Variants in ATP13A1 observed in about 807,000 individuals in gnomAD.
ATP13A1 encodes endoplasmic reticulum transmembrane helix translocase.
Under a neutral mutation model 134.8 loss-of-function variants are expected in ATP13A1, and 55 were observed. The ratio of observed to expected loss-of-function variants is 0.41; its 90% CI spans 0.33 to 0.51. The LOEUF (loss-of-function observed/expected upper bound fraction) is 0.51, where lower values mean the gene tolerates loss of function less well. ATP13A1 is among the 20% of genes least tolerant of loss of function. The pLI, the probability that ATP13A1 is intolerant of heterozygous loss-of-function variation, is 0.29. For missense variants in ATP13A1, 1,389 were observed against 1,652.8 expected (o/e 0.84, Z 2.77); for synonymous variants, 775 against 725.1 (o/e 1.07, Z -1.10).
chr19:19,652,056 T>C (rs903523566), intron 16 of ATP13A1, among the ~76,000 whole-genome samples: 1 of 151,912 alleles, frequency 6.6e-6, no homozygotes, highest in South Asian at 2.1e-4. Context: ...GCCCCTGAGG[T>C]GGACCCTTTT....
intron 22 of ATP13A1, chr19:19,646,551 CGGCTCCGCCATCCA>C: frequency 3.2e-6 from 2 of 630,268 alleles, no homozygotes; most frequent in Non-Finnish European, 5.4e-6. Flanking sequence ...TCCCTGGCCC[CGGCTCCGCCATCCA>C]GGCTCCCCAT....
chr19:19,663,607 G>A lies in ATP13A1; in HGVS notation c.60C>T (p.Val20=). Residue 20 remains valine (V), a synonymous_variant, in exon 1 of 26, where the codon GTC becomes GTT. Transcript: ENST00000357324. ...CGGGCTTGGGCTGCCCGTCAGGCCG[G>A]ACCCCGCAAGGCCGGGCCCCGCAGG... ...AVPCGARPCG[V]RPDGQPKPGP... 7.0e-7 allele frequency: 1 copy of A among 1,419,172 alleles called. No homozygotes were observed. 87.9% of individuals were successfully genotyped at this position (1,419,172 alleles called of 1,614,324 possible).
intron 1 of ATP13A1, among the ~76,000 whole-genome samples, chr19:19,660,873 G>A (rs1297719586): frequency 6.6e-6 from 1 of 151,652 alleles, no homozygotes; most frequent in Non-Finnish European, 1.5e-5. Context: ...GAGGTCAGGA[G>A]TTTGAGACCA....
chr19:19,651,457 C>T (rs756297203), intron 17 of ATP13A1: 1 of 427,186 alleles, frequency 2.3e-6, no homozygotes, highest in Non-Finnish European at 4.2e-6. Context: ...GTCAGACTAT[C>T]GCCTCATTAT....
chr19:19,654,260 G>A, intron 13 of ATP13A1, 116 bp from the exon 14 acceptor site: 1 of 1,169,168 alleles, frequency 8.6e-7, no homozygotes, highest in Non-Finnish European at 1.2e-6. Context: ...GCCTGATCGG[G>A]GCTCTGGGCT....
intron 13 of ATP13A1, among the ~76,000 whole-genome samples, 158 bp from the exon 14 acceptor site, chr19:19,654,302 T>C (rs1185240176): frequency 2.0e-5 from 3 of 152,136 alleles, no homozygotes; most frequent in African/African-American, 7.2e-5. Flanking sequence ...CTGGAAGACC[T>C]GGGCTTGGAG....
Position 19,647,381 on chromosome 19 carries a change from TGAAG to T in ATP13A1, c.2908+29_2908+32del, listed in dbSNP as rs2061992846. 1 of 1,589,914 alleles carries T rather than the reference TGAAG, an allele frequency of 6.3e-7. No individual in the cohort carries two copies. Among genetic ancestry groups the T allele is most frequent in the African/African-American group, 1.4e-5 (1 of 73,208 alleles). On this transcript the variant is annotated intron_variant, in intron 21 of 25. Transcript: ENST00000357324. This position sits in a 1 kb window ranked among gnomAD's most constrained non-coding sequence, Gnocchi z 4.8. The stretch of plus-strand genomic sequence containing the variant: ...GTGGGTAGGGGTGCCAAGGGGGGAA[TGAAG>T]GGAGGGGGAGCGGGGGCAGGCAACT...
At chr19:19,660,819 C>A (rs2062089911) in intron 1 of ATP13A1, among the ~76,000 whole-genome samples, 1 of 151,394 alleles carries the variant, frequency 6.6e-6, no homozygotes, top group South Asian at 2.1e-4. Flanking sequence ...GTGGCTCACA[C>A]CTGTAATCCC....
chr19:19,647,604 G>A lies in ATP13A1; in HGVS notation c.2788C>T (p.Gln930Ter). ...LPPSEEQPTS[Q>*]RDRLSQVLRD... ...CCTCCCCTCTTGGGACTCACCCTCT[G>A]GGAGGTTGGCTGCTCCTCGGAGGGA... The change falls in exon 20 of 26, where the codon CAG (glutamine) becomes TAG (stop). Residue 930 changes from glutamine to a stop codon, truncating the protein, a stop_gained. Coordinates refer to ENST00000357324, the MANE Select transcript of ATP13A1 (RefSeq NM_020410.3). LOFTEE classifies it high-confidence loss of function. This position sits in a 1 kb window ranked among gnomAD's most constrained non-coding sequence, Gnocchi z 4.8. The A allele has an allele frequency of 6.2e-7, 1 of 1,613,540 alleles. No individual in the cohort carries two copies. Among genetic ancestry groups the A allele is most frequent in the Non-Finnish European group, 8.5e-7 (1 of 1,179,810 alleles).
Position 19,656,308 on chromosome 19 carries a change from C to T in ATP13A1, c.1084-125G>A. 2 of 1,316,198 alleles carry T rather than the reference C, an allele frequency of 1.5e-6. No homozygotes were observed. The highest frequency in any genetic ancestry group is 1.0e-6 in the Non-Finnish European group (1 of 965,610). The allele number at this position is 1,316,198 out of a possible 1,614,324, so 81.5% of individuals were successfully genotyped here. The stretch of plus-strand genomic sequence containing the variant: ...GGGGATCCCCACCCGACCAATACAT[C>T]CCACCCAGCTCCCAGATCCTCACCC... On this transcript the variant is annotated intron_variant, in intron 7 of 25. Coordinates refer to ENST00000357324, the MANE Select transcript of ATP13A1 (RefSeq NM_020410.3). The surrounding 1 kb of genome is among the most constrained non-coding windows in gnomAD (Gnocchi z 4.6).
chr19:19,658,084 G>C (rs755922652), intron 3 of ATP13A1, among the ~76,000 whole-genome samples: 1 of 147,748 alleles, frequency 6.8e-6, no homozygotes, highest in Non-Finnish European at 1.5e-5. Flanking sequence ...AGGAGTTCAA[G>C]GCTACAGTGA....
chr19:19,653,710 G>A lies in ATP13A1; in HGVS notation c.2100+74C>T. On this transcript the variant is annotated intron_variant, in intron 15 of 25. Coordinates refer to ENST00000357324, the MANE Select transcript of ATP13A1 (RefSeq NM_020410.3). This position sits in a 1 kb window ranked among gnomAD's most constrained non-coding sequence, Gnocchi z 4.2. The stretch of plus-strand genomic sequence containing the variant: ...ACAACCATTCAACCTGGCACTGTGG[G>A]ACACAGGAGGTGACTCAGGGAGGAG... The A allele has an allele frequency of 7.5e-7, 1 of 1,324,782 alleles. No individual in the cohort carries two copies. The highest frequency in any genetic ancestry group is 1.0e-6 in the Non-Finnish European group (1 of 957,906). The allele number at this position is 1,324,782 out of a possible 1,614,324, so 82.1% of individuals were successfully genotyped here.
chr19:19,651,519 C>T (rs537714072), intron 17 of ATP13A1, 170 bp downstream of exon 17: 21 of 504,072 alleles, frequency 4.2e-5, no homozygotes, highest in South Asian at 2.6e-4. Flanking sequence ...ACCCAGTGAA[C>T]GCTCACATGC....
In ATP13A1 at chr19:19,645,374, C is replaced by T. The variant is rs763384839; in HGVS notation, c.*48G>A. 1.3e-6 allele frequency: 2 copies of T among 1,547,546 alleles called. No homozygotes were observed. Among genetic ancestry groups the T allele is most frequent in the Non-Finnish European group, 1.7e-6 (2 of 1,143,524 alleles). ...TCCCTCCCGGGGCCCTGTTGGGGTT[C>T]CCGCCCAGCGGCAGCCAGGGTGGGC... On this transcript the variant is annotated 3_prime_UTR_variant, in exon 26 of 26. Transcript: ENST00000357324. This position sits in a 1 kb window ranked among gnomAD's most constrained non-coding sequence, Gnocchi z 4.1.
intron 19 of ATP13A1, among the ~76,000 whole-genome samples, chr19:19,648,271 A>C (rs562754159): frequency 1.6e-4 from 24 of 152,222 alleles, no homozygotes; most frequent in African/African-American, 5.5e-4. Flanking sequence ...GTGAGATGAG[A>C]TCACACCACC....
chr19:19,659,260 G>C (rs1218851891), intron 3 of ATP13A1, among the ~76,000 whole-genome samples: 1 of 152,146 alleles, frequency 6.6e-6, no homozygotes, highest in Non-Finnish European at 1.5e-5. Context: ...TTCAAGACCA[G>C]CCTGGCCAAC....
At position 19,647,840 on chromosome 19, in the gene ATP13A1, G is replaced by A. The variant is rs867481024; in HGVS notation, c.2633-81C>T. 6.8e-7 allele frequency: 1 copy of A among 1,476,162 alleles called. No individual in the cohort carries two copies. Among genetic ancestry groups the A allele is most frequent in the Non-Finnish European group, 9.0e-7 (1 of 1,110,086 alleles). The allele number at this position is 1,476,162 out of a possible 1,614,324, so 91.4% of individuals were successfully genotyped here. On this transcript the variant is annotated intron_variant, in intron 19 of 25. Transcript: ENST00000357324. This position sits in a 1 kb window ranked among gnomAD's most constrained non-coding sequence, Gnocchi z 4.8. ...TGCTGGCTTCAGAGCCACTGGTCCT[G>A]AAGTCCCCCAGCTGGCTCCCGTGAG...
Position 19,649,879 on chromosome 19 carries a change from G to A in ATP13A1, c.2397C>T (p.Ser799=), listed in dbSNP as rs1568426162. 6.2e-7 allele frequency: 1 copy of A among 1,602,146 alleles called. No homozygotes were observed. Among genetic ancestry groups the A allele is most frequent in the Non-Finnish European group, 8.5e-7 (1 of 1,179,592 alleles). The change falls in exon 18 of 26, where the codon TCC becomes TCT. Residue 799 remains serine, a synonymous_variant. Coordinates refer to ENST00000357324, the MANE Select transcript of ATP13A1 (RefSeq NM_020410.3). Reference sequence around the variant, plus strand: ...CGTACTCCAGGGCCAGTGCCTTTGGGGAGCCCCGGGCCAGGGGCAGCACGA... The same window carrying A: ...CGTACTCCAGGGCCAGTGCCTTTGGAGAGCCCCGGGCCAGGGGCAGCACGA... ...GSIVLPLARG[S]PKALALEYAL...
At position 19,645,381 on chromosome 19, in the gene ATP13A1, A is replaced by C; in HGVS notation, c.*41T>G. 6.4e-7 allele frequency: 1 copy of C among 1,557,278 alleles called. No individual in the cohort carries two copies. Among genetic ancestry groups the C allele is most frequent in the Non-Finnish European group, 8.7e-7 (1 of 1,150,726 alleles). On this transcript the variant is annotated 3_prime_UTR_variant, in exon 26 of 26. Coordinates refer to ENST00000357324, the MANE Select transcript of ATP13A1 (RefSeq NM_020410.3). This position sits in a 1 kb window ranked among gnomAD's most constrained non-coding sequence, Gnocchi z 4.1. ...CGGGGCCCTGTTGGGGTTCCCGCCC[A>C]GCGGCAGCCAGGGTGGGCAGTGGGT...
Sources: allele counts gnomAD v4.1 joint callset (sites outside exome capture counted in the v4.1 genomes callset), GRCh38; gene constraint gnomAD v4.1.1; non-coding constraint Gnocchi (gnomAD v3.1); transcripts MANE v1.5; gene names NCBI Gene and HGNC (gene_info 2026-07-23, HGNC 2026-07-21).